The following C18orf54 variants were observed in gnomAD, a reference collection of about 807,000 sequenced individuals.
C18orf54 encodes the protein lung adenoma susceptibility protein 2.
A neutral mutation model predicts 49.3 loss-of-function variants in C18orf54; 49 were observed. That is an observed-to-expected ratio of 0.99 (90% confidence interval 0.79 to 1.26). The LOEUF (loss-of-function observed/expected upper bound fraction) is 1.26, where lower values mean the gene tolerates loss of function less well. Ranked by LOEUF, C18orf54 falls within the 50% of genes most tolerant of loss-of-function variation. The pLI, the probability that C18orf54 is intolerant of heterozygous loss-of-function variation, is 0.00. For missense variants in C18orf54, 687 were observed against 620.6 expected (o/e 1.11, Z -1.14); for synonymous variants, 211 against 216.6 (o/e 0.97, Z 0.23).
rs1204039310 is a variant in C18orf54 at position 54,378,220 on chromosome 18, A to C, written c.1576A>C (p.Asn526His). 1 of 1,613,728 alleles carries C rather than the reference A, an allele frequency of 6.2e-7. No individual in the cohort carries two copies. Among genetic ancestry groups the C allele is most frequent in the Admixed American group, 1.7e-5 (1 of 60,020 alleles). Residue 526 changes from asparagine to histidine, a missense_variant, in exon 9 of 9, where the codon AAT becomes CAT. By Grantham distance (68) the Asn-to-His change is moderately conservative (BLOSUM62 1). Coordinates refer to ENST00000620105, the MANE Select transcript of C18orf54 (RefSeq NM_001288980.2). ...SRLRDLVDDT[N>H]GERSPKM ...CCTGAGAGACCTGGTTGATGATACG[A>C]ATGGAGAACGGTCACCGAAAATGTG...
chr18:54,375,705 C>CT (rs1242170288), intron 8 of C18orf54, among the ~76,000 whole-genome samples: 1 of 151,710 alleles, frequency 6.6e-6, no homozygotes, highest in Non-Finnish European at 1.5e-5. Context: ...TTAATAGTAA[C>CT]TTTTTTTCTA....
intron 5 of C18orf54, 97 bp downstream of exon 5, chr18:54,363,018 T>C (rs2089303750): frequency 5.1e-6 from 6 of 1,181,378 alleles, no homozygotes; most frequent in Non-Finnish European, 7.1e-6. Context: ...ATTAATAATA[T>C]TGTAACTCCA....
intron 6 of C18orf54, among the ~76,000 whole-genome samples, chr18:54,371,075 A>G (rs573011092): frequency 1.6e-4 from 25 of 152,162 alleles, no homozygotes; most frequent in Admixed American, 1.0e-3. Context: ...GTGTGTAGCT[A>G]TCACCATCGT....
chr18:54,370,042 C>T (rs889860885), intron 6 of C18orf54, among the ~76,000 whole-genome samples: 16 of 151,986 alleles, frequency 1.1e-4, no homozygotes, highest in East Asian at 3.9e-4. Context: ...TTTGGGAGGC[C>T]GAGGCGAGCG....
At chr18:54,377,319 C>T (rs148832719) in intron 8 of C18orf54, among the ~76,000 whole-genome samples, 5 of 152,298 alleles carry the variant, frequency 3.3e-5, no homozygotes, top group Non-Finnish European at 7.4e-5. Flanking sequence ...TCCCAAAGTG[C>T]ATGGATTACA....
At chr18:54,375,403 C>T (rs1330826727) in intron 8 of C18orf54, among the ~76,000 whole-genome samples, 2 of 150,146 alleles carry the variant, frequency 1.3e-5, no homozygotes, top group Non-Finnish European at 3.0e-5. Context: ...TAACACTACT[C>T]TCACTAATGA....
Position 54,372,748 on chromosome 18 carries a change from A to G in C18orf54, c.1458+151A>G, listed in dbSNP as rs17471021. ...TGGCAGTAGTTTTTTTTTGTTAGGA[A>G]GTAATGTACTCACGTTTAATTCTGT... On this transcript the variant is annotated intron_variant, in intron 7 of 8. Transcript: ENST00000620105. The G allele has an allele frequency of 0.027, 16,697 of 622,140 alleles. 309 individuals carry two copies. The highest frequency in any genetic ancestry group is 0.063 in the Middle Eastern group (140 of 2,226). 38.5% of individuals were successfully genotyped at this position (622,140 alleles called of 1,614,324 possible).
rs540695547 is a variant in C18orf54 at position 54,363,056 on chromosome 18, T to C, written c.1223+135T>C. 529 of 852,052 alleles carry C rather than the reference T, an allele frequency of 6.2e-4. 1 individual carries two copies. Among genetic ancestry groups the C allele is most frequent in the Non-Finnish European group, 8.1e-4 (466 of 576,190 alleles). The allele number at this position is 852,052 out of a possible 1,614,324, so 52.8% of individuals were successfully genotyped here. On this transcript the variant is annotated intron_variant, in intron 5 of 8. Transcript: ENST00000620105. Reference sequence around the variant, plus strand: ...GAACATAGCTTTGTGTTACTTGCTTTAAATTGCATTTTTCATTTATTACCA... The same window carrying C: ...GAACATAGCTTTGTGTTACTTGCTTCAAATTGCATTTTTCATTTATTACCA...
Position 54,362,456 on chromosome 18 carries a change from GTTAT to G in C18orf54, c.1072+32_1072+35del, listed in dbSNP as rs560630897. Reference sequence around the variant, plus strand: ...GGTAATACTTTGTTTATTGCTTATAGTTATTTATTTTTCTTTTTTTTAAACCAAA... The same window carrying G: ...GGTAATACTTTGTTTATTGCTTATAGTTATTTTTCTTTTTTTTAAACCAAA... On this transcript the variant is annotated intron_variant, in intron 4 of 8. Coordinates refer to ENST00000620105, the MANE Select transcript of C18orf54 (RefSeq NM_001288980.2). 1.5e-4 allele frequency: 217 copies of G among 1,439,900 alleles called. 2 individuals are homozygous for G. The East Asian group carries it at 3.9e-3, about 26-fold the overall frequency. 89.2% of individuals were successfully genotyped at this position (1,439,900 alleles called of 1,614,324 possible). A position where few individuals can be genotyped will look rare whatever the true frequency, so the allele number is the denominator to read the frequency against.
chr18:54,361,859 A>G lies in C18orf54; in HGVS notation c.500A>G (p.Asn167Ser), dbSNP rs1200968899. The G allele has an allele frequency of 1.9e-6, 3 of 1,614,098 alleles. No homozygotes were observed. The highest frequency in any genetic ancestry group is 2.7e-5 in the African/African-American group (2 of 75,026). The change falls in exon 4 of 9, where the codon AAT (asparagine) becomes AGT (serine). Residue 167 changes from asparagine (N) to serine (S), a missense_variant. Physicochemically the swap from Asn to Ser is conservative, Grantham distance 46. Coordinates refer to ENST00000620105, the MANE Select transcript of C18orf54 (RefSeq NM_001288980.2). ...CTGGGTTCATTGGACATTGAGAAGA[A>G]TCCACATTTTCAAGGACCCTACACT... ...GRLGSLDIEK[N>S]PHFQGPYTSM...
At position 54,381,184 on chromosome 18, in the gene C18orf54, T is replaced by C. The variant is rs745938351; in HGVS notation, c.*2938T>C. The C allele has an allele frequency of 3.9e-5, 6 of 152,154 alleles. No homozygotes were observed. The highest frequency in any genetic ancestry group is 7.4e-5 in the Non-Finnish European group (5 of 68,002). 9.4% of individuals were successfully genotyped at this position (152,154 alleles called of 1,614,324 possible). On this transcript the variant is annotated 3_prime_UTR_variant, in exon 9 of 9. Coordinates refer to ENST00000620105, the MANE Select transcript of C18orf54 (RefSeq NM_001288980.2). ...TTTCCTGTGACATTTGAAGTTATTA[T>C]TCTCCCATTTCCTTTTTCTTTTTTT...
At chr18:54,365,609 A>T (rs1029978744) in intron 5 of C18orf54, 110 bp from the exon 6 acceptor site, 29 of 566,508 alleles carry the variant, frequency 5.1e-5, no homozygotes, top group Non-Finnish European at 8.2e-5. Flanking sequence ...CATGATGATT[A>T]TTTCTTGGTG....
chr18:54,367,394 C>G (rs956357856), intron 6 of C18orf54, among the ~76,000 whole-genome samples: 1 of 152,064 alleles, frequency 6.6e-6, no homozygotes, highest in African/African-American at 2.4e-5. Context: ...TTCCCCTGAG[C>G]ATTTCTTGTA....
intron 8 of C18orf54, among the ~76,000 whole-genome samples, chr18:54,375,689 A>G (rs977007470): frequency 1.6e-4 from 25 of 151,870 alleles, no homozygotes; most frequent in African/African-American, 6.0e-4. Context: ...ATTTGCTAGA[A>G]TTTTTTTAAT....
At chr18:54,375,563 T>G (rs2089556760) in intron 8 of C18orf54, among the ~76,000 whole-genome samples, 1 of 151,382 alleles carries the variant, frequency 6.6e-6, no homozygotes, top group African/African-American at 2.4e-5. Flanking sequence ...CAGACCTATA[T>G]GTGTTTTCTG....
intron 8 of C18orf54, 30 bp from the exon 9 acceptor site, chr18:54,378,144 T>C: frequency 6.3e-7 from 1 of 1,580,958 alleles, no homozygotes; most frequent in Non-Finnish European, 8.6e-7. Context: ...AATAACTGGT[T>C]TATAATGTGT....
chr18:54,366,340 A>G (rs898187010), intron 6 of C18orf54, among the ~76,000 whole-genome samples: 1 of 151,876 alleles, frequency 6.6e-6, no homozygotes, highest in Admixed American at 6.6e-5. Flanking sequence ...TATTTCTATG[A>G]GATCAGCTAG....
chr18:54,363,518 A>G (rs1034515400), intron 5 of C18orf54, among the ~76,000 whole-genome samples: 10 of 152,076 alleles, frequency 6.6e-5, no homozygotes, highest in African/African-American at 2.2e-4. Flanking sequence ...GGGTTTCACC[A>G]TGTTGGCCAG....
At chr18:54,364,505 A>G (rs2089340561) in intron 5 of C18orf54, among the ~76,000 whole-genome samples, 1 of 152,090 alleles carries the variant, frequency 6.6e-6, no homozygotes, top group Non-Finnish European at 1.5e-5. Context: ...GCTGAGAAGG[A>G]ATAGATCTCA....
Sources: allele counts gnomAD v4.1 joint callset (sites outside exome capture counted in the v4.1 genomes callset), GRCh38; gene constraint gnomAD v4.1.1; transcripts MANE v1.5; gene names NCBI Gene and HGNC (gene_info 2026-07-23, HGNC 2026-07-21).